CREB5: variants seen among roughly 807,000 people sequenced by gnomAD.
CREB5 encodes cyclic AMP-responsive element-binding protein 5.
A neutral mutation model predicts 57.1 loss-of-function variants in CREB5; 19 were observed. The observed-to-expected ratio is 0.33, with a 90% confidence interval of 0.23 to 0.49. CREB5 has a LOEUF of 0.49. CREB5 is among the 20% of genes least tolerant of loss of function. The pLI, the probability that CREB5 is intolerant of heterozygous loss-of-function variation, is 0.99. For synonymous variants in CREB5, 238 were observed against 238.3 expected (o/e 1.00, Z 0.01); for missense variants, 579 against 671.6 (o/e 0.86, Z 1.52).
chr7:28,536,908 T>G (rs1160518728), intron 4 of CREB5, among the ~76,000 whole-genome samples: 1 of 152,202 alleles, frequency 6.6e-6, no homozygotes, highest in African/African-American at 2.4e-5. Flanking sequence ...GAAGCCCAAA[T>G]CTAACTAACA....
chr7:28,738,457 A>G (rs1804159121), intron 7 of CREB5, among the ~76,000 whole-genome samples: 1 of 152,214 alleles, frequency 6.6e-6, no homozygotes, highest in Non-Finnish European at 1.5e-5. Context: ...TACCCATGAT[A>G]ACAGAGTGTA....
At position 28,488,363 on chromosome 7, in the gene CREB5, A is replaced by G. The variant is rs1791663335; in HGVS notation, c.75+117A>G. On this transcript the variant is annotated intron_variant, in intron 2 of 10. Coordinates refer to ENST00000357727, the MANE Select transcript of CREB5 (RefSeq NM_182898.4). ...TTTCCTTCTTTACCAAGACACCACC[A>G]AAGTCCCCCTCCCCATCAGTATCGT... The G allele has an allele frequency of 5.3e-6, 4 of 755,102 alleles. No individual in the cohort carries two copies. The Admixed American group carries it at 7.1e-5, about 13-fold the overall frequency. 46.8% of individuals were successfully genotyped at this position (755,102 alleles called of 1,614,324 possible).
chr7:28,560,805 TGCGCGTGTGTGTGTGTGCGCGCGC>T lies in CREB5; in HGVS notation c.292-9544_292-9521del, dbSNP rs1160532392. Among the ~76,000 whole-genome samples the T allele has an allele frequency of 7.3e-5, 4 of 54,770 alleles. 2 individuals are homozygous for T. Among genetic ancestry groups the T allele is most frequent in the Non-Finnish European group, 1.7e-4 (4 of 23,856 alleles). The allele number at this position is 54,770 out of a possible 152,430, so 35.9% of individuals were successfully genotyped here. On this transcript the variant is annotated intron_variant, in intron 4 of 10. Transcript: ENST00000357727. ...TCTTTCTCTGCTTCCACAGTGTGTG[TGCGCGTGTGTGTGTGTGCGCGCGC>T]GCGCGTGTGTGTGTGCGCGTGTGTG...
chr7:28,467,690 C>A (rs1274936989), intron 1 of CREB5, among the ~76,000 whole-genome samples: 1 of 152,128 alleles, frequency 6.6e-6, no homozygotes, highest in Non-Finnish European at 1.5e-5. Context: ...AGCTACCATG[C>A]AAATGTAAAT....
At chr7:28,751,099 T>G (rs1804950223) in intron 7 of CREB5, among the ~76,000 whole-genome samples, 1 of 150,372 alleles carries the variant, frequency 6.7e-6, no homozygotes, top group African/African-American at 2.4e-5. Context: ...ATCAAGGCAG[T>G]TTTTCCCTTT....
At chr7:28,322,599 C>T (rs1033527944) in intron 1 of CREB5, among the ~76,000 whole-genome samples, 24 of 151,702 alleles carry the variant, frequency 1.6e-4, no homozygotes, top group Non-Finnish European at 2.9e-4. Flanking sequence ...CTCCCCCAGC[C>T]CCCCACTCCC....
At chr7:28,731,809 A>T (rs1467757085) in intron 7 of CREB5, among the ~76,000 whole-genome samples, 2 of 152,228 alleles carry the variant, frequency 1.3e-5, no homozygotes, top group African/African-American at 4.8e-5. Context: ...TCAACTGGGA[A>T]TTGAAGCTGA....
chr7:28,574,732 A>G (rs1047573850), intron 5 of CREB5, among the ~76,000 whole-genome samples: 3 of 152,240 alleles, frequency 2.0e-5, no homozygotes, highest in African/African-American at 7.2e-5. Context: ...ATTAGAATAT[A>G]CAAATGTGGA....
chr7:28,386,325 G>A (rs1172000990), intron 1 of CREB5, among the ~76,000 whole-genome samples: 3 of 151,994 alleles, frequency 2.0e-5, no homozygotes, highest in Admixed American at 6.6e-5. Context: ...TATGATGATC[G>A]TTCCTTTACA....
At position 28,492,001 on chromosome 7, in the gene CREB5, C is replaced by T. The variant is rs1791827976; in HGVS notation, c.76-2905C>T. Among the ~76,000 whole-genome samples, 5 of 151,920 alleles carry T rather than the reference C, an allele frequency of 3.3e-5. 1 individual carries two copies. The South Asian group carries it at 1.0e-3, about 32-fold the overall frequency. ...TGGGAGGTTTTTTTGTTTTTTGTCT[C>T]GTTTTGTTTTGTTTTGAGATGGTGT... is the stretch of plus-strand genomic sequence containing the variant. On this transcript the variant is annotated intron_variant, in intron 2 of 10. Transcript: ENST00000357727.
At chr7:28,553,802 T>G (rs889417223) in intron 4 of CREB5, among the ~76,000 whole-genome samples, 1 of 152,238 alleles carries the variant, frequency 6.6e-6, no homozygotes, top group Non-Finnish European at 1.5e-5. Flanking sequence ...GACTCAGCCT[T>G]ATAACTGGGC....
intron 5 of CREB5, among the ~76,000 whole-genome samples, chr7:28,585,250 C>A (rs1796265519): frequency 1.3e-5 from 2 of 152,222 alleles, no homozygotes; most frequent in Non-Finnish European, 2.9e-5. Flanking sequence ...TTCAACTCAG[C>A]CTTCTAAGAT....
intron 5 of CREB5, among the ~76,000 whole-genome samples, chr7:28,662,431 C>T (rs192123652): frequency 6.6e-6 from 1 of 152,282 alleles, no homozygotes. Context: ...GGGTTAAGTG[C>T]GCTCTCGTGC....
chr7:28,313,831 A>C (rs7781713), intron 1 of CREB5, among the ~76,000 whole-genome samples: 1 of 152,064 alleles, frequency 6.6e-6, no homozygotes, highest in Non-Finnish European at 1.5e-5. Context: ...AAAATTTAAT[A>C]GACATATATC....
At chr7:28,565,106 A>G (rs916606600) in intron 4 of CREB5, among the ~76,000 whole-genome samples, 3 of 152,216 alleles carry the variant, frequency 2.0e-5, no homozygotes, top group Non-Finnish European at 4.4e-5. Flanking sequence ...CCAAGCCTGT[A>G]TATTTTCAAC....
intron 1 of CREB5, among the ~76,000 whole-genome samples, chr7:28,447,494 C>T (rs1007658991): frequency 5.9e-5 from 9 of 152,140 alleles, no homozygotes; most frequent in African/African-American, 2.2e-4. Context: ...TTCATGTAGT[C>T]ATTTGCCTCA....
chr7:28,530,746 C>T (rs1793691034), intron 4 of CREB5, among the ~76,000 whole-genome samples: 1 of 152,164 alleles, frequency 6.6e-6, no homozygotes, highest in Admixed American at 6.5e-5. Flanking sequence ...AGTAGAAGCG[C>T]AAGTGTGTCT....
At chr7:28,783,479 G>A (rs564894702) in intron 7 of CREB5, among the ~76,000 whole-genome samples, 5 of 152,116 alleles carry the variant, frequency 3.3e-5, no homozygotes, top group African/African-American at 1.2e-4. Flanking sequence ...AGACTCATGA[G>A]GAAAATTGTC....
intron 4 of CREB5, 27 bp from the exon 5 acceptor site, chr7:28,570,338 C>T (rs765177374): frequency 1.1e-5 from 18 of 1,598,498 alleles, no homozygotes; most frequent in Non-Finnish European, 1.5e-5. Flanking sequence ...CTCCTCCTGA[C>T]CTTTCCCCTG....
Sources: allele counts gnomAD v4.1 joint callset (sites outside exome capture counted in the v4.1 genomes callset), GRCh38; gene constraint gnomAD v4.1.1; transcripts MANE v1.5; gene names NCBI Gene and HGNC (gene_info 2026-07-23, HGNC 2026-07-21).